IL20RA: variants seen among roughly 807,000 people sequenced by gnomAD.
The protein encoded by IL20RA is interleukin-20 receptor subunit alpha.
IL20RA carries 29 observed loss-of-function variants against 36.5 expected under a neutral mutation model. The observed-to-expected ratio is 0.79, with a 90% CI of 0.59 to 1.08. The LOEUF (loss-of-function observed/expected upper bound fraction) is 1.08, where lower values mean the gene tolerates loss of function less well. Ranked by LOEUF, IL20RA falls within the 50% of genes least tolerant of loss-of-function variation. The pLI is 0.00. For missense variants in IL20RA, 652 were observed against 668.4 expected, an observed-to-expected ratio of 0.98 and a Z score of 0.27; for synonymous variants, 279 against 267.1, an observed-to-expected ratio of 1.04 and a Z score of -0.43.
intron 1 of IL20RA, among the ~76,000 whole-genome samples, chr6:137,037,218 C>A (rs1045515867): frequency 3.5e-4 from 54 of 152,148 alleles, no homozygotes; most frequent in Non-Finnish European, 7.4e-4. Flanking sequence ...GTGGGTAGAG[C>A]TGGCATTTGC....
intron 1 of IL20RA, among the ~76,000 whole-genome samples, chr6:137,036,184 T>G (rs561544660): frequency 6.6e-6 from 1 of 152,208 alleles, no homozygotes; most frequent in Non-Finnish European, 1.5e-5. Flanking sequence ...TTTTCCTTCA[T>G]TGGACACAGA....
chr6:137,039,389 T>C (rs1028533914), intron 1 of IL20RA, among the ~76,000 whole-genome samples: 5 of 152,120 alleles, frequency 3.3e-5, no homozygotes, highest in Admixed American at 6.5e-5. Context: ...CCTGCAAATC[T>C]ATAGATAAGA....
At position 137,001,891 on chromosome 6, in the gene IL20RA, C is replaced by T. The variant is rs1775064259; in HGVS notation, c.1329G>A (p.Pro443=). 16 of 1,613,430 alleles carry T rather than the reference C, an allele frequency of 9.9e-6. No individual in the cohort carries two copies. Among genetic ancestry groups the T allele is most frequent in the East Asian group, 2.2e-5 (1 of 44,896 alleles). The change falls in exon 7 of 7, where the codon CCG becomes CCA. Residue 443 remains proline (P), a synonymous_variant. Coordinates refer to ENST00000316649, the MANE Select transcript of IL20RA (RefSeq NM_014432.4). ...ESQAALAVLG[P]QTLQYSYTPQ... is the part of the protein sequence containing the mutation. ...GGGTGTATGAGTACTGTAACGTTTGCGGGCCCAAGACTGCCAACGCTGCCT... is the reference window on the plus strand; with the variant it reads ...GGGTGTATGAGTACTGTAACGTTTGTGGGCCCAAGACTGCCAACGCTGCCT...
At chr6:137,009,263 A>G (rs749502155) in intron 4 of IL20RA, 54 bp downstream of exon 4, 4 of 1,422,286 alleles carry the variant, frequency 2.8e-6, no homozygotes, top group Non-Finnish European at 4.0e-6. Context: ...GTTTGTTCCC[A>G]CATTAGCTAC....
intron 1 of IL20RA, among the ~76,000 whole-genome samples, chr6:137,028,436 A>C (rs1422002633): frequency 6.7e-6 from 1 of 148,540 alleles, no homozygotes; most frequent in Non-Finnish European, 1.5e-5. Flanking sequence ...AAAAAAAAAG[A>C]AATTGACAGA....
At chr6:137,037,124 A>G (rs1776518144) in intron 1 of IL20RA, among the ~76,000 whole-genome samples, 2 of 152,212 alleles carry the variant, frequency 1.3e-5, no homozygotes, top group Non-Finnish European at 2.9e-5. Context: ...AAAAGTATAC[A>G]TGGTATACAT....
intron 1 of IL20RA, among the ~76,000 whole-genome samples, chr6:137,040,194 G>A (rs1317778123): frequency 6.6e-6 from 1 of 152,134 alleles, no homozygotes; most frequent in Non-Finnish European, 1.5e-5. Context: ...AAATGAAAGA[G>A]GAAGGCTAGA....
At chr6:137,039,959 A>G in intron 1 of IL20RA, among the ~76,000 whole-genome samples, 1 of 152,044 alleles carries the variant, frequency 6.6e-6, no homozygotes, top group East Asian at 1.9e-4. Context: ...AGGAGTAAAG[A>G]AAAAAAAGGA....
At chr6:137,015,281 A>G (rs1775642367) in intron 2 of IL20RA, among the ~76,000 whole-genome samples, 1 of 152,092 alleles carries the variant, frequency 6.6e-6, no homozygotes, top group African/African-American at 2.4e-5. Context: ...TTGATACAGT[A>G]TTTTTATATT....
In IL20RA at chr6:137,044,684, C is replaced by T; in HGVS notation, c.45G>A (p.Pro15=). 1.6e-6 allele frequency: 2 copies of T among 1,222,638 alleles called. No homozygotes were observed. The highest frequency in any genetic ancestry group is 2.0e-6 in the Non-Finnish European group (2 of 983,274). 75.7% of individuals were successfully genotyped at this position (1,222,638 alleles called of 1,614,324 possible). A position where few individuals can be genotyped will look rare whatever the true frequency, so the allele number is the denominator to read the frequency against. ...CCGCCAGGAGCAACAGCAGCAGCGG[C>T]GGCAGCGGCAGCGGCCGCAGGGCCG... The part of the protein sequence containing the change: ...GRPALRPLPL[P]PLLLLLLAAP... Residue 15 remains proline, a synonymous_variant, in exon 1 of 7, where the codon CCG becomes CCA. Coordinates refer to ENST00000316649, the MANE Select transcript of IL20RA (RefSeq NM_014432.4).
chr6:137,001,935 C>T lies in IL20RA; in HGVS notation c.1285G>A (p.Gly429Arg), dbSNP rs747049446. The T allele has an allele frequency of 6.2e-7, 1 of 1,614,136 alleles. No individual in the cohort carries two copies. Among genetic ancestry groups the T allele is most frequent in the East Asian group, 2.2e-5 (1 of 44,882 alleles). The change falls in exon 7 of 7, where the codon GGA (glycine) becomes AGA (arginine). Residue 429 changes from glycine to arginine, a missense_variant. By Grantham distance (125) the Gly-to-Arg change is moderately radical (BLOSUM62 -2). Coordinates refer to ENST00000316649, the MANE Select transcript of IL20RA (RefSeq NM_014432.4). ...GCTGCCTGCGACTCCAATAATGTTC[C>T]TTGTGTGGACACCTCCTCCTGCAAA... The part of the protein sequence containing the change: ...LSLQEEVSTQ[G>R]TLLESQAALA...
Position 137,017,073 on chromosome 6 carries a change from G to A in IL20RA, c.119C>T (p.Pro40Leu). The A allele has an allele frequency of 6.2e-6, 10 of 1,613,722 alleles. No homozygotes were observed. Among genetic ancestry groups the A allele is most frequent in the Non-Finnish European group, 8.5e-6 (10 of 1,179,696 alleles). ...GATGGATAAGAAGGTGATGTTTGCA[G>A]GTTTAGGCAAACCACCAGAGACACA... is the stretch of plus-strand genomic sequence containing the variant. ...VPCVSGGLPKPANITFLSINM... is the reference protein window; with the variant it reads ...VPCVSGGLPKLANITFLSINM... The change falls in exon 2 of 7, where the codon CCT becomes CTT. Residue 40 changes from proline to leucine, a missense_variant. Physicochemically the swap from Pro to Leu is moderately conservative, Grantham distance 98. Coordinates refer to ENST00000316649, the MANE Select transcript of IL20RA (RefSeq NM_014432.4).
In IL20RA at chr6:137,044,682, G is replaced by T; in HGVS notation, c.47C>A (p.Pro16Gln). 8.2e-7 allele frequency: 1 copy of T among 1,224,070 alleles called. No individual in the cohort carries two copies. Among genetic ancestry groups the T allele is most frequent in the South Asian group, 4.1e-5 (1 of 24,508 alleles). The allele number at this position is 1,224,070 out of a possible 1,614,324, so 75.8% of individuals were successfully genotyped here. ...CGCCGCCAGGAGCAACAGCAGCAGC[G>T]GCGGCAGCGGCAGCGGCCGCAGGGC... ...RPALRPLPLP[P>Q]LLLLLLAAPW... is the part of the protein sequence containing the mutation. The change falls in exon 1 of 7, where the codon CCG becomes CAG. Residue 16 changes from proline (P) to glutamine (Q), a missense_variant. By Grantham distance (76) the Pro-to-Gln change is moderately conservative (BLOSUM62 -1). Transcript: ENST00000316649.
At chr6:137,011,656 T>C (rs1019820936) in intron 2 of IL20RA, among the ~76,000 whole-genome samples, 3 of 152,232 alleles carry the variant, frequency 2.0e-5, no homozygotes, top group Admixed American at 6.5e-5. Flanking sequence ...AGAGTTTCTG[T>C]AATCACCTTT....
intron 4 of IL20RA, chr6:137,009,081 A>G: frequency 1.7e-6 from 1 of 592,720 alleles, no homozygotes; most frequent in East Asian, 2.8e-5. Context: ...TGAAGTGTAC[A>G]ATCTCTCTAC....
chr6:137,044,395 G>T, intron 1 of IL20RA: 1 of 1,030,062 alleles, frequency 9.7e-7, no homozygotes, highest in Non-Finnish European at 1.2e-6. Context: ...GAGACCGAAA[G>T]TGCGGAGCGC....
chr6:137,002,706 G>A (rs1356667769), intron 6 of IL20RA, among the ~76,000 whole-genome samples: 1 of 152,238 alleles, frequency 6.6e-6, no homozygotes, highest in Admixed American at 6.5e-5. Context: ...CACATGAAGA[G>A]TAGCAAAGAC....
intron 1 of IL20RA, 194 bp downstream of exon 1, chr6:137,044,447 G>T: frequency 2.4e-6 from 2 of 848,128 alleles, no homozygotes; most frequent in Non-Finnish European, 3.1e-6. Flanking sequence ...TGCGCGAGGC[G>T]ACGGCGAGTG....
At chr6:137,032,137 T>C (rs1271644399) in intron 1 of IL20RA, among the ~76,000 whole-genome samples, 2 of 151,322 alleles carry the variant, frequency 1.3e-5, no homozygotes, top group Non-Finnish European at 2.9e-5. Context: ...ATAAGCTCTG[T>C]GGAGAGGAAA....
Sources: allele counts gnomAD v4.1 joint callset (sites outside exome capture counted in the v4.1 genomes callset), GRCh38; gene constraint gnomAD v4.1.1; transcripts MANE v1.5; gene names NCBI Gene and HGNC (gene_info 2026-07-23, HGNC 2026-07-21).